PTPRA: variants seen among roughly 807,000 people sequenced by gnomAD.
PTPRA encodes the protein receptor-type tyrosine-protein phosphatase alpha.
Under a neutral mutation model 104.8 loss-of-function variants are expected in PTPRA, and 25 were observed. That is an observed-to-expected ratio of 0.24 (90% CI 0.17 to 0.33). The LOEUF is 0.33. Among genes scored for constraint, PTPRA ranks in the 10% least tolerant of loss-of-function variants. The pLI is 1.00. For synonymous variants in PTPRA, 323 were observed against 368.9 expected (o/e 0.88, Z 1.43); for missense variants, 765 against 1,015.3 (o/e 0.75, Z 3.35).
At chr20:2,930,181 G>C (rs1178041) in intron 2 of PTPRA, among the ~76,000 whole-genome samples, 27,064 of 152,134 alleles carry the variant, frequency 0.18, 3,482 homozygotes, top group African/African-American at 0.36. Flanking sequence ...TGCAGCATTT[G>C]GTAAATTATT....
intron 11 of PTPRA, among the ~76,000 whole-genome samples, chr20:3,009,715 C>T (rs942303818): frequency 1.9e-4 from 29 of 152,178 alleles, no homozygotes; most frequent in African/African-American, 7.0e-4. Context: ...ATTCCTAGAA[C>T]TTACATCGAA....
chr20:2,901,308 C>T (rs1255776937), intron 1 of PTPRA, among the ~76,000 whole-genome samples: 1 of 152,054 alleles, frequency 6.6e-6, no homozygotes, highest in East Asian at 1.9e-4. Flanking sequence ...CTGCACTGCT[C>T]TCAGCTGAAC....
chr20:2,891,406 C>T (rs1435017850), intron 1 of PTPRA, among the ~76,000 whole-genome samples: 5 of 152,174 alleles, frequency 3.3e-5, no homozygotes, highest in Admixed American at 3.3e-4. Context: ...TTTCTCTGAG[C>T]CCACTGCCGC....
chr20:2,905,164 T>C (rs1398179531), intron 1 of PTPRA, among the ~76,000 whole-genome samples: 1 of 152,174 alleles, frequency 6.6e-6, no homozygotes, highest in African/African-American at 2.4e-5. Flanking sequence ...TGCCTGATGA[T>C]CTGAGGTGTT....
intron 5 of PTPRA, among the ~76,000 whole-genome samples, chr20:2,968,507 T>TTTTTTTTTTTTTTCAAA (rs759599927): frequency 2.8e-5 from 4 of 145,176 alleles, no homozygotes; most frequent in African/African-American, 1.1e-4. Flanking sequence ...CTTTTTTTTT[T>TTTTTTTTTTTTTTCAAA]TTCTCAAATT....
intron 3 of PTPRA, among the ~76,000 whole-genome samples, chr20:2,960,137 T>A (rs1205913869): frequency 1.3e-5 from 2 of 152,194 alleles, no homozygotes; most frequent in African/African-American, 4.8e-5. Context: ...GACAAATGTA[T>A]AATGACATGT....
chr20:2,897,625 T>C (rs1177161441), intron 1 of PTPRA, among the ~76,000 whole-genome samples: 6 of 152,252 alleles, frequency 3.9e-5, no homozygotes, highest in African/African-American at 1.4e-4. Flanking sequence ...TGACCTCAGA[T>C]GATCTGCCCA....
intron 20 of PTPRA, among the ~76,000 whole-genome samples, chr20:3,032,574 T>C (rs556651881): frequency 5.3e-5 from 8 of 151,654 alleles, no homozygotes; most frequent in East Asian, 1.9e-4. Context: ...GAGACCAGCC[T>C]GGCCAACATG....
At chr20:2,980,977 G>A (rs952714309) in intron 6 of PTPRA, among the ~76,000 whole-genome samples, 4 of 152,064 alleles carry the variant, frequency 2.6e-5, no homozygotes, top group South Asian at 2.1e-4. Flanking sequence ...TCCTCTAGGC[G>A]AGCTGCCGTT....
chr20:3,035,850 C>G lies in PTPRA; in HGVS notation c.2107C>G (p.Pro703Ala). The G allele has an allele frequency of 6.2e-7, 1 of 1,614,166 alleles. No homozygotes were observed. The highest frequency in any genetic ancestry group is 8.5e-7 in the Non-Finnish European group (1 of 1,180,046). ...HFHGWPEVGIPSDGKGMISII... is the reference protein window; with the variant it reads ...HFHGWPEVGIASDGKGMISII... ...CCATGGCTGGCCTGAAGTGGGCATC[C>G]CCAGTGACGGAAAGGGCATGATCAG... Residue 703 changes from proline to alanine, a missense_variant, in exon 22 of 24, where the codon CCC becomes GCC. By Grantham distance (27) the Pro-to-Ala change is conservative (BLOSUM62 -1). Coordinates refer to ENST00000399903, the MANE Select transcript of PTPRA (RefSeq NM_001385305.1). This position sits in a 1 kb window ranked among gnomAD's most constrained non-coding sequence, Gnocchi z 5.8.
In PTPRA at chr20:3,002,947, C is replaced by T. The variant is rs938937215; in HGVS notation, c.739-2109C>T. On this transcript the variant is annotated intron_variant, in intron 9 of 23. Coordinates refer to ENST00000399903, the MANE Select transcript of PTPRA (RefSeq NM_001385305.1). ...TGATACCTGCACTGATTTTCGGTTC[C>T]TCACACAACCAAGCCTTCTTCCACC... 9.2e-5 allele frequency among the ~76,000 whole-genome samples: 14 copies of T among 152,260 alleles called. 1 individual carries two copies. In the Middle Eastern group the frequency reaches 0.01, roughly 111 times the overall value.
Position 3,022,579 on chromosome 20 carries a change from G to T in PTPRA, c.1329-110G>T, listed in dbSNP as rs2064932265. The T allele has an allele frequency of 1.4e-6, 2 of 1,472,580 alleles. No individual in the cohort carries two copies. Among genetic ancestry groups the T allele is most frequent in the Middle Eastern group, 2.0e-4 (1 of 5,008 alleles). The allele number at this position is 1,472,580 out of a possible 1,614,324, so 91.2% of individuals were successfully genotyped here. A position where few individuals can be genotyped will look rare whatever the true frequency, so the allele number is the denominator to read the frequency against. ...GAGAGCCCCAGCTCTACCCCATTCA[G>T]AATTAGGATTTAGACCCTGAAGGAA... On this transcript the variant is annotated intron_variant, in intron 15 of 23. Coordinates refer to ENST00000399903, the MANE Select transcript of PTPRA (RefSeq NM_001385305.1). This position sits in a 1 kb window ranked among gnomAD's most constrained non-coding sequence, Gnocchi z 4.6.
chr20:2,865,018 A>G, the PTPRA span: 4 of 1,614,144 alleles, frequency 2.5e-6, no homozygotes, highest in Non-Finnish European at 3.4e-6. This position sits in a 1 kb window ranked among gnomAD's most constrained non-coding sequence, Gnocchi z 5.2. Context: ...ACAGCCGCCG[A>G]TGCCTTCTAC....
At chr20:2,869,626 A>G (rs920438280), upstream of PTPRA, among the ~76,000 whole-genome samples, 1 of 152,194 alleles carries the variant, frequency 6.6e-6, no homozygotes, top group African/African-American at 2.4e-5. Context: ...GAGGCAAAGA[A>G]TCTGGGAACA....
At chr20:3,002,919 G>A (rs2148276722) in intron 9 of PTPRA, among the ~76,000 whole-genome samples, 1 of 152,162 alleles carries the variant, frequency 6.6e-6, no homozygotes, top group South Asian at 2.1e-4. Context: ...CTCACCTTCT[G>A]CGTGATACCT....
chr20:2,908,033 C>T (rs2059489897), intron 1 of PTPRA, among the ~76,000 whole-genome samples: 1 of 152,142 alleles, frequency 6.6e-6, no homozygotes, highest in South Asian at 2.1e-4. Flanking sequence ...TCAGCTTCTT[C>T]ATGATTTAAT....
intron 3 of PTPRA, among the ~76,000 whole-genome samples, chr20:2,962,417 TA>T (rs1170424207): frequency 4.6e-5 from 7 of 152,248 alleles, no homozygotes. Flanking sequence ...ATGTGGAATT[TA>T]TTTTGGTATA....
upstream of PTPRA, among the ~76,000 whole-genome samples, chr20:2,871,254 A>T (rs936546274): frequency 3.9e-5 from 6 of 152,182 alleles, no homozygotes; most frequent in Admixed American, 3.9e-4. Context: ...CAAGCTGAAC[A>T]TGCCTAATTC....
intron 9 of PTPRA, among the ~76,000 whole-genome samples, chr20:3,003,333 T>C (rs1490276329): frequency 6.6e-6 from 1 of 152,204 alleles, no homozygotes; most frequent in East Asian, 1.9e-4. Context: ...TGCTGAATAC[T>C]ACGGTTGTTC....
Sources: allele counts gnomAD v4.1 joint callset (sites outside exome capture counted in the v4.1 genomes callset), GRCh38; gene constraint gnomAD v4.1.1; non-coding constraint Gnocchi (gnomAD v3.1); transcripts MANE v1.5; gene names NCBI Gene and HGNC (gene_info 2026-07-23, HGNC 2026-07-21).